METTL15: variants seen among roughly 807,000 people sequenced by gnomAD.
The protein encoded by METTL15 is 12S rRNA N(4)-cytidine methyltransferase METTL15.
METTL15 carries 34 observed loss-of-function variants against 38.3 expected under a neutral mutation model. That is an observed-to-expected ratio of 0.89 (90% confidence interval 0.68 to 1.18). The LOEUF (loss-of-function observed/expected upper bound fraction) is 1.18. METTL15 is among the 50% of genes most tolerant of loss of function. The pLI is 0.00. For missense variants in METTL15, 438 were observed against 498.4 expected (o/e 0.88, Z 1.15); for synonymous variants, 162 against 170.9 (o/e 0.95, Z 0.41).
chr11:28,351,470 A>T (rs1177894792), intron 3 of METTL15, among the ~76,000 whole-genome samples: 1 of 152,204 alleles, frequency 6.6e-6, no homozygotes, highest in South Asian at 2.1e-4. Flanking sequence ...TAGCATAAAC[A>T]TCTGGAATCT....
chr11:28,351,136 G>A (rs1850038276), intron 3 of METTL15, among the ~76,000 whole-genome samples: 2 of 152,116 alleles, frequency 1.3e-5, no homozygotes, highest in South Asian at 2.1e-4. Flanking sequence ...TTTTTAAGAT[G>A]GAATCTTGCT....
chr11:28,258,094 C>T (rs187643808), intron 4 of METTL15, among the ~76,000 whole-genome samples: 30 of 152,310 alleles, frequency 2.0e-4, no homozygotes, highest in African/African-American at 6.0e-4. Flanking sequence ...CTTAATGGGA[C>T]ACCCCATGCC....
At chr11:28,328,033 T>C in intron 6 of METTL15, 2 of 1,529,694 alleles carry the variant, frequency 1.3e-6, no homozygotes, top group Non-Finnish European at 8.9e-7. Context: ...TATTGATTTA[T>C]GTGCTCCATG....
chr11:28,418,639 C>A (rs1850794088), intron 5 of METTL15, among the ~76,000 whole-genome samples: 1 of 152,114 alleles, frequency 6.6e-6, no homozygotes, highest in East Asian at 1.9e-4. Context: ...ATCACAGTAC[C>A]TGGTTTTAGC....
chr11:28,303,203 C>CTTT (rs747178054), intron 6 of METTL15, among the ~76,000 whole-genome samples: 1 of 152,126 alleles, frequency 6.6e-6, no homozygotes, highest in Non-Finnish European at 1.5e-5. Flanking sequence ...TTAATGAAAA[C>CTTT]ATCTTTGTTC....
chr11:28,362,038 T>C (rs2133368623), intron 5 of METTL15: 1 of 152,188 alleles, frequency 6.6e-6, no homozygotes, highest in South Asian at 2.1e-4. Context: ...AAAATGGAGG[T>C]AGCATTTTCA....
intron 5 of METTL15, among the ~76,000 whole-genome samples, chr11:28,394,917 A>G (rs564940585): frequency 6.6e-6 from 1 of 152,206 alleles, no homozygotes; most frequent in Admixed American, 6.6e-5. Flanking sequence ...AATGAATCAA[A>G]CCATTCATTC....
At chr11:28,205,296 C>A (rs1852283253) in intron 3 of METTL15, among the ~76,000 whole-genome samples, 1 of 149,760 alleles carries the variant, frequency 6.7e-6, no homozygotes, top group Admixed American at 6.7e-5. Flanking sequence ...GTGATGTTCC[C>A]CTTCCTGTGT....
At chr11:28,406,969 T>G (rs1319071972) in intron 5 of METTL15, among the ~76,000 whole-genome samples, 1 of 152,172 alleles carries the variant, frequency 6.6e-6, no homozygotes, top group Admixed American at 6.5e-5. Context: ...TTAGTTCTGT[T>G]TATGTGATGA....
chr11:28,512,726 C>G (rs753289968), intron 6 of METTL15, among the ~76,000 whole-genome samples: 27 of 152,358 alleles, frequency 1.8e-4, no homozygotes, highest in African/African-American at 6.3e-4. Context: ...TCCACACCCC[C>G]CTGCAAGCTG....
chr11:28,131,833 G>T (rs1054789078), intron 3 of METTL15, among the ~76,000 whole-genome samples: 8 of 152,160 alleles, frequency 5.3e-5, no homozygotes, highest in African/African-American at 1.9e-4. Context: ...TAAATCGGAA[G>T]TATTACTTTC....
chr11:28,208,468 C>T (rs890898695), intron 3 of METTL15, among the ~76,000 whole-genome samples: 3 of 151,670 alleles, frequency 2.0e-5, no homozygotes, highest in South Asian at 2.1e-4. Context: ...CACTGTGGTC[C>T]GAGAGACAGT....
chr11:28,306,400 C>T (rs986979352), intron 6 of METTL15, among the ~76,000 whole-genome samples: 4 of 152,046 alleles, frequency 2.6e-5, no homozygotes, highest in African/African-American at 9.7e-5. Context: ...GTTCCTATAA[C>T]TAGTTATTCA....
intron 4 of METTL15, among the ~76,000 whole-genome samples, chr11:28,257,119 A>G (rs2133932773): frequency 1.3e-5 from 2 of 152,226 alleles, no homozygotes; most frequent in East Asian, 3.9e-4. Context: ...TTATCTGAGA[A>G]AGTCTTTTCA....
chr11:28,400,609 G>T (rs917668823), intron 5 of METTL15, among the ~76,000 whole-genome samples: 35 of 151,870 alleles, frequency 2.3e-4, no homozygotes, highest in African/African-American at 8.5e-4. Context: ...AGGTCCAAAG[G>T]TTACATATTT....
At chr11:28,415,518 T>C (rs2133416309) in intron 5 of METTL15, among the ~76,000 whole-genome samples, 1 of 152,220 alleles carries the variant, frequency 6.6e-6, no homozygotes, top group Middle Eastern at 3.4e-3. Flanking sequence ...GGTGAGAAAA[T>C]AGTTTCAGAG....
intron 6 of METTL15, among the ~76,000 whole-genome samples, chr11:28,445,954 C>T (rs977942735): frequency 7.9e-5 from 12 of 152,050 alleles, no homozygotes; most frequent in African/African-American, 2.4e-4. Flanking sequence ...CCTGGCCTGG[C>T]CTGTTATTTT....
At chr11:28,260,501 G>A (rs1855158702) in intron 4 of METTL15, among the ~76,000 whole-genome samples, 1 of 152,130 alleles carries the variant, frequency 6.6e-6, no homozygotes. Context: ...GGGAGAATAA[G>A]TCTGCTGTCT....
chr11:28,194,497 G>A (rs1851837009), intron 3 of METTL15, among the ~76,000 whole-genome samples: 2 of 151,880 alleles, frequency 1.3e-5, no homozygotes, highest in Admixed American at 1.3e-4. Flanking sequence ...ACCATGTCTG[G>A]CTATTTACTT....
Sources: allele counts gnomAD v4.1 joint callset (sites outside exome capture counted in the v4.1 genomes callset), GRCh38; gene constraint gnomAD v4.1.1; transcripts MANE v1.5; gene names NCBI Gene and HGNC (gene_info 2026-07-23, HGNC 2026-07-21).